The following DPH6 variants were observed in gnomAD, a reference collection of about 807,000 sequenced individuals.
The protein encoded by DPH6 is diphthamine biosynthesis 6.
A neutral mutation model predicts 38.2 loss-of-function variants in DPH6; 33 were observed. The ratio of observed to expected loss-of-function variants is 0.86; its 90% CI spans 0.65 to 1.15. The LOEUF is 1.15. Among genes scored for constraint, DPH6 ranks in the 50% most tolerant of loss-of-function variants. The pLI is 0.00. For missense variants in DPH6, 325 were observed against 320.0 expected (o/e 1.02, Z -0.12); for synonymous variants, 108 against 103.0 (o/e 1.05, Z -0.30).
At chr15:35,168,398 C>T in the DPH6 span, among the ~76,000 whole-genome samples, 363 of 151,972 alleles carry the variant, frequency 2.4e-3, 1 homozygote, top group Non-Finnish European at 4.4e-3. Context: ...ATATTGTGTC[C>T]AGGAATATGC....
intron 3 of DPH6, among the ~76,000 whole-genome samples, chr15:35,266,066 T>C (rs1425602440): frequency 6.6e-6 from 1 of 152,194 alleles, no homozygotes; most frequent in East Asian, 1.9e-4. Context: ...TAAAAGTATG[T>C]GTAATCTAAA....
chr15:35,283,526 G>GTCCTC (rs1439543983), intron 3 of DPH6, among the ~76,000 whole-genome samples: 2 of 151,686 alleles, frequency 1.3e-5, no homozygotes, highest in African/African-American at 4.8e-5. Flanking sequence ...TCAAACTCCC[G>GTCCTC]TCCTCATGAT....
In DPH6 at chr15:35,511,834, T is replaced by C. The variant is rs77702796; in HGVS notation, c.312+26440A>G. ...AGGTATCATAATTCCAAGATGGTGA[T>C]ATATTATTTTGCAAAGTCTAAATAA... On this transcript the variant is annotated intron_variant, in intron 3 of 8. Transcript: ENST00000256538. Among the ~76,000 whole-genome samples, 53 of 152,290 alleles carry C rather than the reference T, an allele frequency of 3.5e-4. No individual in the cohort carries two copies. The East Asian group carries it at 0.01, about 29-fold the overall frequency.
chr15:35,531,099 T>TGGA (rs2055081148), intron 3 of DPH6, among the ~76,000 whole-genome samples: 1 of 152,192 alleles, frequency 6.6e-6, no homozygotes, highest in Non-Finnish European at 1.5e-5. Flanking sequence ...GTCCATCTTA[T>TGGA]ATGTTTCTCC....
At chr15:35,416,382 C>T (rs2053436710) in intron 5 of DPH6, among the ~76,000 whole-genome samples, 1 of 151,950 alleles carries the variant, frequency 6.6e-6, no homozygotes, top group African/African-American at 2.4e-5. Flanking sequence ...GAGGTTACGT[C>T]AGGTGATTTA....
chr15:35,436,078 C>T (rs1370889440), intron 5 of DPH6, among the ~76,000 whole-genome samples: 2 of 151,948 alleles, frequency 1.3e-5, no homozygotes, highest in Admixed American at 1.3e-4. Flanking sequence ...GGCCAGAGGC[C>T]CTGCACGTCC....
chr15:35,514,959 G>A (rs1174454234), intron 3 of DPH6, among the ~76,000 whole-genome samples: 2 of 152,086 alleles, frequency 1.3e-5, no homozygotes, highest in South Asian at 2.1e-4. Flanking sequence ...AATATTTTTA[G>A]AAAAGCAAAG....
chr15:35,302,980 A>T (rs1173135649), intron 3 of DPH6, among the ~76,000 whole-genome samples: 2 of 152,100 alleles, frequency 1.3e-5, no homozygotes, highest in South Asian at 4.1e-4. Flanking sequence ...GCAGAAAGGA[A>T]GTGGTCAAGA....
chr15:35,366,884 C>T (rs982703597), downstream of DPH6, among the ~76,000 whole-genome samples: 2 of 151,954 alleles, frequency 1.3e-5, no homozygotes, highest in Admixed American at 1.3e-4. Flanking sequence ...AATTTACCTA[C>T]ATTTATAGTA....
chr15:35,488,961 T>C (rs571599548), intron 3 of DPH6, among the ~76,000 whole-genome samples: 1 of 151,056 alleles, frequency 6.6e-6, no homozygotes, highest in Admixed American at 6.6e-5. Flanking sequence ...TCAATGAATG[T>C]AGTAAATACA....
At chr15:35,183,220 T>C in the DPH6 span, among the ~76,000 whole-genome samples, 69 of 152,314 alleles carry the variant, frequency 4.5e-4, no homozygotes, top group South Asian at 2.1e-3. Context: ...ACAGTAAGCA[T>C]AGTAAGAATG....
At chr15:35,503,474 G>A (rs2141201034) in intron 3 of DPH6, among the ~76,000 whole-genome samples, 1 of 152,030 alleles carries the variant, frequency 6.6e-6, no homozygotes, top group Admixed American at 6.6e-5. Context: ...AAACATATGA[G>A]GCAAATGATC....
Position 35,372,204 on chromosome 15 carries a change from CTA to C in DPH6, c.751-3_751-2del. 6.8e-7 allele frequency: 1 copy of C among 1,467,632 alleles called. No individual in the cohort carries two copies. The highest frequency in any genetic ancestry group is 8.9e-7 in the Non-Finnish European group (1 of 1,118,012). 90.9% of individuals were successfully genotyped at this position (1,467,632 alleles called of 1,614,324 possible). A position where few individuals can be genotyped will look rare whatever the true frequency, so the allele number is the denominator to read the frequency against. ...TGTAGTTGTCAGGCACTGAGGACAC[CTA>C]AAAAAAAAAGGGAAGGAAAGGGAAG... On this transcript the variant is annotated splice_acceptor_variant and splice_polypyrimidine_tract_variant and intron_variant, in intron 8 of 8. Coordinates refer to ENST00000256538, the MANE Select transcript of DPH6 (RefSeq NM_080650.4). LOFTEE classifies it high-confidence loss of function.
At chr15:35,372,955 T>C (rs2052731983) in intron 8 of DPH6, among the ~76,000 whole-genome samples, 2 of 151,988 alleles carry the variant, frequency 1.3e-5, no homozygotes, top group Non-Finnish European at 2.9e-5. Flanking sequence ...ATGAGACCTC[T>C]CAATCAAGGA....
At chr15:35,374,753 CAT>C (rs753649439) in intron 7 of DPH6, among the ~76,000 whole-genome samples, 7 of 152,160 alleles carry the variant, frequency 4.6e-5, no homozygotes, top group East Asian at 1.9e-4. Flanking sequence ...CTGATGGAAA[CAT>C]ATAATTTGCC....
rs575408839 is a variant in DPH6 at position 35,303,342 on chromosome 15, T to C, written n.200+70179A>G. The stretch of plus-strand genomic sequence containing the variant: ...TATAAAATATTTTAAAATATTTTTA[T>C]AATAGCGCTAATAAGAAGGCATACT... On this transcript the variant is annotated intron_variant and non_coding_transcript_variant, in intron 3 of 3. Transcript: ENST00000560386. Among the ~76,000 whole-genome samples the C allele has an allele frequency of 2.6e-5, 4 of 151,904 alleles. No individual in the cohort carries two copies. In the South Asian group the frequency reaches 8.3e-4, roughly 31 times the overall value.
At chr15:35,216,608 A>G (rs749484799), downstream of DPH6, among the ~76,000 whole-genome samples, 1 of 152,238 alleles carries the variant, frequency 6.6e-6, no homozygotes. Flanking sequence ...AAAACTAATT[A>G]TGGTCATTTA....
the DPH6 span, among the ~76,000 whole-genome samples, chr15:35,167,917 A>G: frequency 6.6e-6 from 1 of 152,036 alleles, no homozygotes; most frequent in African/African-American, 2.4e-5. Context: ...TAATTTTCCC[A>G]TACTTTCAAT....
At chr15:35,479,131 G>C (rs1389893769) in intron 3 of DPH6, among the ~76,000 whole-genome samples, 1 of 152,030 alleles carries the variant, frequency 6.6e-6, no homozygotes. Flanking sequence ...ACTGTGACCA[G>C]ATAATGTATT....
Sources: allele counts gnomAD v4.1 joint callset (sites outside exome capture counted in the v4.1 genomes callset), GRCh38; gene constraint gnomAD v4.1.1; transcripts MANE v1.5; gene names NCBI Gene and HGNC (gene_info 2026-07-23, HGNC 2026-07-21).